The following TNIP3 variants were observed in gnomAD, a reference collection of about 807,000 sequenced individuals.
TNIP3 encodes TNFAIP3 interacting protein 3.
In TNIP3, 34 loss-of-function variants were observed where a neutral mutation model predicts 54.1. The ratio of observed to expected loss-of-function variants is 0.63; its 90% confidence interval spans 0.48 to 0.84. TNIP3 has a LOEUF of 0.84. TNIP3 is among the 40% of genes least tolerant of loss of function. The probability of loss-of-function intolerance (pLI) is 0.00; values close to 1 mark genes in which losing one functional copy is unlikely to be tolerated. For missense variants in TNIP3, 366 were observed against 387.6 expected, an observed-to-expected ratio of 0.94 and a Z score of 0.47; for synonymous variants, 134 against 136.8, an observed-to-expected ratio of 0.98 and a Z score of 0.14.
In TNIP3 at chr4:121,160,971, G is replaced by A. The variant is rs556878965; in HGVS notation, c.147+165C>T. Among the ~76,000 whole-genome samples, 4 of 152,256 alleles carry A rather than the reference G, an allele frequency of 2.6e-5. No individual in the cohort carries two copies. The South Asian group carries it at 8.3e-4, about 32-fold the overall frequency. ...GAGACAACAAGTATGAAACATACAG[G>A]TGAATAAGAAAGAAGGCGTTTGCTT... is the stretch of plus-strand genomic sequence containing the variant. On this transcript the variant is annotated intron_variant, in intron 2 of 10. Coordinates refer to ENST00000057513, the MANE Select transcript of TNIP3 (RefSeq NM_024873.6).
intron 2 of TNIP3, among the ~76,000 whole-genome samples, chr4:121,204,725 C>T (rs775596847): frequency 3.3e-5 from 5 of 152,088 alleles, no homozygotes; most frequent in Admixed American, 1.3e-4. Flanking sequence ...GATTTACCAA[C>T]GTTAGATTGT....
At chr4:121,211,729 T>C (rs1053559704) in intron 2 of TNIP3, among the ~76,000 whole-genome samples, 4 of 152,214 alleles carry the variant, frequency 2.6e-5, no homozygotes, top group Admixed American at 2.0e-4. Flanking sequence ...GGAGGGTCTG[T>C]ATATTGAATT....
intron 2 of TNIP3, among the ~76,000 whole-genome samples, chr4:121,200,621 A>G (rs1725830315): frequency 7.0e-6 from 1 of 142,700 alleles, no homozygotes; most frequent in Non-Finnish European, 1.6e-5. Flanking sequence ...AGAACAATCT[A>G]GTTCAAAGAG....
intron 7 of TNIP3, among the ~76,000 whole-genome samples, chr4:121,145,973 A>G (rs1006715072): frequency 1.2e-3 from 176 of 150,756 alleles, no homozygotes; most frequent in African/African-American, 4.0e-3. Flanking sequence ...GCAAAACACC[A>G]TCTCATAAAA....
chr4:121,168,758 G>C (rs1030971458), upstream of TNIP3, among the ~76,000 whole-genome samples: 2 of 149,228 alleles, frequency 1.3e-5, no homozygotes, highest in Non-Finnish European at 3.0e-5. Context: ...GGCTTTGAAT[G>C]ATCCTCCCAC....
chr4:121,144,645 G>T (rs1729325687), intron 7 of TNIP3, among the ~76,000 whole-genome samples: 2 of 152,166 alleles, frequency 1.3e-5, no homozygotes, highest in African/African-American at 4.8e-5. Context: ...CAGGTGATCT[G>T]CCCGCCTTGG....
At chr4:121,183,736 G>C (rs932199481) in intron 2 of TNIP3, among the ~76,000 whole-genome samples, 1 of 151,992 alleles carries the variant, frequency 6.6e-6, no homozygotes, top group African/African-American at 2.4e-5. Flanking sequence ...GAACATTATT[G>C]TGAACTGCAC....
At chr4:121,201,236 C>T (rs747934221) in intron 2 of TNIP3, among the ~76,000 whole-genome samples, 1 of 152,038 alleles carries the variant, frequency 6.6e-6, no homozygotes, top group Non-Finnish European at 1.5e-5. Flanking sequence ...CATACTGATG[C>T]TTTATTTAGT....
At chr4:121,157,502 A>G (rs1000202845) in intron 3 of TNIP3, among the ~76,000 whole-genome samples, 2 of 152,104 alleles carry the variant, frequency 1.3e-5, no homozygotes, top group Non-Finnish European at 2.9e-5. Context: ...CCTACTTCAG[A>G]GGGGATAAAA....
intron 1 of TNIP3, among the ~76,000 whole-genome samples, chr4:121,222,399 C>G (rs1261220665): frequency 2.0e-5 from 3 of 152,138 alleles, no homozygotes; most frequent in African/African-American, 7.2e-5. Flanking sequence ...GGTTTAGAGT[C>G]AAAAGATGTG....
At chr4:121,183,602 G>A (rs1301122567) in intron 2 of TNIP3, among the ~76,000 whole-genome samples, 3 of 152,200 alleles carry the variant, frequency 2.0e-5, no homozygotes, top group Non-Finnish European at 4.4e-5. Context: ...TGTATTTACA[G>A]CCCCTCCCCA....
At position 121,141,913 on chromosome 4, in the gene TNIP3, A is replaced by C. The variant is rs1349676744; in HGVS notation, c.788T>G (p.Met263Arg). 8 of 1,591,240 alleles carry C rather than the reference A, an allele frequency of 5.0e-6. No homozygotes were observed. The African/African-American group carries it at 5.4e-5, about 11-fold the overall frequency. The stretch of plus-strand genomic sequence containing the variant: ...GCCGCAGTTACAGGGTGGGCAATAC[A>C]TCTGAGGAGAACAAAACTGTGGGGT... ...KEKLEKQLKQ[M>R]YCPPCNCGLV... Residue 263 changes from methionine (M) to arginine (R), a missense_variant and splice_region_variant, in exon 9 of 11, where the codon ATG (methionine) becomes AGG (arginine). Coordinates refer to ENST00000057513, the MANE Select transcript of TNIP3 (RefSeq NM_024873.6).
chr4:121,226,505 G>T (rs144476718), intron 1 of TNIP3, among the ~76,000 whole-genome samples: 426 of 152,332 alleles, frequency 2.8e-3, no homozygotes, highest in Non-Finnish European at 3.8e-3. Flanking sequence ...TGTGCATGCA[G>T]TGCCACTTGA....
chr4:121,219,824 G>A (rs1272986751), upstream of TNIP3, among the ~76,000 whole-genome samples: 1 of 152,150 alleles, frequency 6.6e-6, no homozygotes, highest in African/African-American at 2.4e-5. Flanking sequence ...AAGGTAGAAA[G>A]GACTAGAAGC....
At chr4:121,157,000 A>AT (rs1209189372) in intron 4 of TNIP3, 94 bp downstream of exon 4, 1 of 1,545,700 alleles carries the variant, frequency 6.5e-7, no homozygotes, top group African/African-American at 1.4e-5. Context: ...TAGTGAGTTG[A>AT]TTTTAATAAA....
At chr4:121,143,067 T>C (rs780672628) in intron 7 of TNIP3, among the ~76,000 whole-genome samples, 3 of 152,256 alleles carry the variant, frequency 2.0e-5, no homozygotes, top group Non-Finnish European at 2.9e-5. Context: ...CTGAATGACA[T>C]TGGAATTGTC....
intron 3 of TNIP3, among the ~76,000 whole-genome samples, chr4:121,157,603 G>A (rs1442491157): frequency 6.6e-6 from 1 of 152,170 alleles, no homozygotes; most frequent in Non-Finnish European, 1.5e-5. Context: ...AGGGCAATGA[G>A]GGGCAGCAGG....
chr4:121,219,410 G>A (rs956516827), upstream of TNIP3, among the ~76,000 whole-genome samples: 8 of 152,110 alleles, frequency 5.3e-5, no homozygotes, highest in Non-Finnish European at 1.0e-4. Flanking sequence ...TCACTTAGCC[G>A]AAAGATGTCC....
intron 2 of TNIP3, among the ~76,000 whole-genome samples, chr4:121,190,222 C>A (rs1389645222): frequency 6.6e-6 from 1 of 152,162 alleles, no homozygotes; most frequent in Non-Finnish European, 1.5e-5. Context: ...CTGATACATG[C>A]ATATCTTGGC....
Sources: gnomAD v4.1 joint callset for allele counts (sites outside exome capture counted in the v4.1 genomes callset) on GRCh38, gnomAD v4.1.1 for gene constraint, MANE v1.5 for transcripts, NCBI Gene and HGNC (gene_info 2026-07-23, HGNC 2026-07-21) for gene names.